Variants in MYSM1 observed in about 807,000 individuals in gnomAD.
MYSM1 encodes Myb like, SWIRM and MPN domains 1.
A neutral mutation model predicts 116.0 loss-of-function variants in MYSM1; 51 were observed. The observed-to-expected ratio is 0.44, with a 90% CI of 0.35 to 0.56. The LOEUF (loss-of-function observed/expected upper bound fraction) is 0.56. Among genes scored for constraint, MYSM1 ranks in the 20% least tolerant of loss-of-function variants. The pLI is 0.00. For synonymous variants in MYSM1, 313 were observed against 315.2 expected (o/e 0.99, Z 0.07); for missense variants, 900 against 974.9 (o/e 0.92, Z 1.02).
intron 2 of MYSM1, among the ~76,000 whole-genome samples, chr1:58,694,493 C>A (rs946979014): frequency 1.3e-5 from 2 of 151,986 alleles, no homozygotes; most frequent in Admixed American, 1.3e-4. Context: ...GGGTGGCACA[C>A]GCCTGTAGTC....
chr1:58,670,087 T>C (rs113267291), intron 12 of MYSM1, among the ~76,000 whole-genome samples: 6 of 152,208 alleles, frequency 3.9e-5, no homozygotes, highest in East Asian at 1.9e-4. Context: ...CATTCAACCA[T>C]AGATGGTTAG....
intron 19 of MYSM1, among the ~76,000 whole-genome samples, chr1:58,660,435 C>T (rs12742701): frequency 0.36 from 54,533 of 151,804 alleles, 10,085 homozygotes; most frequent in Non-Finnish European, 0.41. Flanking sequence ...GACGTATTTG[C>T]GACTTTTCTC....
Position 58,697,837 on chromosome 1 carries a change from C to A in MYSM1, c.68+2148G>T, listed in dbSNP as rs1025383640. On this transcript the variant is annotated intron_variant, in intron 1 of 19. Coordinates refer to ENST00000472487, the MANE Select transcript of MYSM1 (RefSeq NM_001085487.3). ...CTCCCAACCTCAGGTGATCCGCCCG[C>A]CTTGGCCTCCCAAAGTGCTGGGATT... is the stretch of plus-strand genomic sequence containing the variant. 4.0e-5 allele frequency among the ~76,000 whole-genome samples: 6 copies of A among 151,602 alleles called. No individual in the cohort carries two copies. The East Asian group carries it at 1.2e-3, about 30-fold the overall frequency.
At chr1:58,689,270 C>T (rs962161778) in intron 5 of MYSM1, 154 bp from the exon 6 acceptor site, 10 of 585,768 alleles carry the variant, frequency 1.7e-5, no homozygotes, top group Non-Finnish European at 2.6e-5. Context: ...AGGCTACAGC[C>T]TCTACCTGGG....
At chr1:58,669,087 A>C in intron 12 of MYSM1, 49 bp from the exon 13 acceptor site, 1 of 1,318,408 alleles carries the variant, frequency 7.6e-7, no homozygotes. Flanking sequence ...GATTAGGAAA[A>C]TAACATTTAT....
At chr1:58,681,167 G>C (rs1285865752) in intron 8 of MYSM1, among the ~76,000 whole-genome samples, 5 of 152,168 alleles carry the variant, frequency 3.3e-5, no homozygotes, top group Non-Finnish European at 1.5e-5. Context: ...TAATTAAGCT[G>C]TTTTAAAAAA....
Position 58,689,087 on chromosome 1 carries a change from T to G in MYSM1, c.350A>C (p.Tyr117Ser), listed in dbSNP as rs1378401758. The change falls in exon 6 of 20, where the codon TAC becomes TCC. Residue 117 changes from tyrosine (Y) to serine (S), a missense_variant. This residue lies in a region of MYSM1 where 622 missense variants were observed against 623.7 expected (regional missense o/e 1.00). Coordinates refer to ENST00000472487, the MANE Select transcript of MYSM1 (RefSeq NM_001085487.3). ...MVHSPTKPAS[Y>S]SVKWTIEEKE... is the part of the protein sequence containing the mutation. ...TTCTTCTATCGTCCACTTTACTGAGTAACTGGCTGGTTTTGTAGGAGAGTG... is the reference window on the plus strand; with the variant it reads ...TTCTTCTATCGTCCACTTTACTGAGGAACTGGCTGGTTTTGTAGGAGAGTG... 6.2e-7 allele frequency: 1 copy of G among 1,611,666 alleles called. No individual in the cohort carries two copies. Among genetic ancestry groups the G allele is most frequent in the South Asian group, 1.1e-5 (1 of 90,312 alleles).
rs1379101993 is a variant in MYSM1 at position 58,669,042 on chromosome 1, A to G, written c.1662-4T>C. The G allele has an allele frequency of 2.3e-5, 36 of 1,575,422 alleles. No individual in the cohort carries two copies. The East Asian group carries it at 7.9e-4, about 35-fold the overall frequency. Reference sequence around the variant, plus strand: ...CAGTTGGAAGGGATCAAACGAGCTGAAAAAGAAAAAAAATTTTCAATACAA... The same window carrying G: ...CAGTTGGAAGGGATCAAACGAGCTGGAAAAGAAAAAAAATTTTCAATACAA... On this transcript the variant is annotated splice_polypyrimidine_tract_variant and splice_region_variant and intron_variant, in intron 12 of 19. Transcript: ENST00000472487.
At chr1:58,686,896 G>C (rs945560505) in intron 6 of MYSM1, among the ~76,000 whole-genome samples, 2 of 151,486 alleles carry the variant, frequency 1.3e-5, no homozygotes, top group Non-Finnish European at 2.9e-5. Flanking sequence ...CTACTCAGGA[G>C]ACTGAGGCAA....
chr1:58,680,468 A>G (rs996404687), intron 8 of MYSM1, among the ~76,000 whole-genome samples: 2 of 152,230 alleles, frequency 1.3e-5, no homozygotes, highest in Non-Finnish European at 2.9e-5. Flanking sequence ...ATTCTTTACT[A>G]TGATGCCAAC....
chr1:58,688,943 A>C (rs1644866067), intron 6 of MYSM1, 95 bp downstream of exon 6: 3 of 1,102,272 alleles, frequency 2.7e-6, no homozygotes, highest in East Asian at 5.3e-5. Flanking sequence ...ATTAAAAAGA[A>C]AATTCAGGTC....
At chr1:58,683,244 C>T (rs1043695529) in intron 7 of MYSM1, among the ~76,000 whole-genome samples, 2 of 152,184 alleles carry the variant, frequency 1.3e-5, no homozygotes, top group Non-Finnish European at 2.9e-5. Context: ...AACTATCATA[C>T]TAAGGTATCG....
Position 58,681,935 on chromosome 1 carries a change from TCTTC to T in MYSM1, c.1105_1108del (p.Glu369LysfsTer10). On this transcript the variant is annotated frameshift_variant, in exon 8 of 20. Transcript: ENST00000472487. LOFTEE classifies it high-confidence loss of function. ...TTCCTGTTCTGGTGGCTTAAGCTCT[TCTTC>T]CTCATGGCTTTCCTCTACCATTTGG... 6.2e-7 allele frequency: 1 copy of T among 1,614,148 alleles called. No homozygotes were observed. Among genetic ancestry groups the T allele is most frequent in the South Asian group, 1.1e-5 (1 of 91,060 alleles).
At chr1:58,683,624 T>A (rs1644781250) in intron 7 of MYSM1, among the ~76,000 whole-genome samples, 4 of 152,148 alleles carry the variant, frequency 2.6e-5, no homozygotes, top group Admixed American at 2.0e-4. Context: ...ACCTACGAAG[T>A]TTTTAAAAAG....
intron 8 of MYSM1, among the ~76,000 whole-genome samples, chr1:58,678,962 T>A (rs773347704): frequency 1.4e-4 from 22 of 152,198 alleles, no homozygotes; most frequent in Non-Finnish European, 2.2e-4. Flanking sequence ...ATTTTTCTTA[T>A]CTATAAAGTG....
At chr1:58,666,156 A>G (rs1467739958) in intron 16 of MYSM1, among the ~76,000 whole-genome samples, 2 of 152,174 alleles carry the variant, frequency 1.3e-5, no homozygotes, top group African/African-American at 4.8e-5. Context: ...TGTTCAACCA[A>G]ATCCAAAATG....
intron 7 of MYSM1, among the ~76,000 whole-genome samples, chr1:58,683,545 G>A (rs1644780099): frequency 6.6e-6 from 1 of 151,888 alleles, no homozygotes; most frequent in African/African-American, 2.4e-5. Context: ...ATAAATATCT[G>A]GTAATGTAAC....
intron 8 of MYSM1, among the ~76,000 whole-genome samples, chr1:58,681,392 T>C (rs1644739398): frequency 6.6e-6 from 1 of 152,228 alleles, no homozygotes; most frequent in South Asian, 2.1e-4. Flanking sequence ...GTTTCTGCAA[T>C]CTGGCCACAT....
rs182532667 is a variant in MYSM1 at position 58,661,128 on chromosome 1, A to C, written c.2328+42T>G. On this transcript the variant is annotated intron_variant, in intron 19 of 19. Transcript: ENST00000472487. The stretch of plus-strand genomic sequence containing the variant: ...AACACATTGAGATGAATAGCTTCAG[A>C]ATCTGTGAACAATGGAACCAATTAA... The C allele has an allele frequency of 1.5e-3, 2,154 of 1,461,706 alleles. 36 individuals are homozygous for C. The highest frequency in any genetic ancestry group is 1.1e-4 in the Non-Finnish European group (116 of 1,042,424). 90.5% of individuals were successfully genotyped at this position (1,461,706 alleles called of 1,614,324 possible). A position where few individuals can be genotyped will look rare whatever the true frequency, so the allele number is the denominator to read the frequency against.
Sources: allele counts gnomAD v4.1 joint callset (sites outside exome capture counted in the v4.1 genomes callset), GRCh38; gene constraint gnomAD v4.1.1; regional missense constraint gnomAD v4.1.1; transcripts MANE v1.5; gene names NCBI Gene and HGNC (gene_info 2026-07-23, HGNC 2026-07-21).